CCDC170: variants seen among roughly 807,000 people sequenced by gnomAD.
CCDC170 encodes the protein coiled-coil domain containing 170.
Under a neutral mutation model 72.6 loss-of-function variants are expected in CCDC170, and 69 were observed. The ratio of observed to expected loss-of-function variants is 0.95; its 90% CI spans 0.78 to 1.16. The LOEUF (loss-of-function observed/expected upper bound fraction) is 1.16. Among genes scored for constraint, CCDC170 ranks in the 50% most tolerant of loss-of-function variants. CCDC170 has a pLI of 0.00. For synonymous variants in CCDC170, 300 were observed against 303.9 expected, an observed-to-expected ratio of 0.99 and a Z score of 0.13; for missense variants, 852 against 832.5, an observed-to-expected ratio of 1.02 and a Z score of -0.29.
chr6:151,522,808 A>G (rs1473222360), intron 1 of CCDC170, among the ~76,000 whole-genome samples: 2 of 152,222 alleles, frequency 1.3e-5, no homozygotes, highest in Non-Finnish European at 2.9e-5. Flanking sequence ...ATAAACAAGC[A>G]TCGTATCTTA....
chr6:151,561,622 T>A (rs903655948), intron 5 of CCDC170, among the ~76,000 whole-genome samples: 1 of 152,070 alleles, frequency 6.6e-6, no homozygotes, highest in Non-Finnish European at 1.5e-5. Flanking sequence ...ATTTGGCCCT[T>A]TTTTCTAGGG....
At chr6:151,527,141 C>T (rs1258855409) in intron 1 of CCDC170, among the ~76,000 whole-genome samples, 1 of 149,800 alleles carries the variant, frequency 6.7e-6, no homozygotes, top group Admixed American at 6.7e-5. Context: ...AAGTGATCCA[C>T]CTGCCTCAGC....
intron 5 of CCDC170, among the ~76,000 whole-genome samples, chr6:151,570,218 T>G (rs1006120021): frequency 6.6e-6 from 1 of 152,222 alleles, no homozygotes; most frequent in Non-Finnish European, 1.5e-5. Flanking sequence ...ATATATTTTG[T>G]GTATTTTGAG....
At chr6:151,524,778 T>C (rs1036113646) in intron 1 of CCDC170, among the ~76,000 whole-genome samples, 1 of 152,180 alleles carries the variant, frequency 6.6e-6, no homozygotes, top group Non-Finnish European at 1.5e-5. Context: ...CCTATACACA[T>C]TGTGCCTATA....
At chr6:151,588,720 C>T (rs890798140) in intron 7 of CCDC170, among the ~76,000 whole-genome samples, 6 of 152,182 alleles carry the variant, frequency 3.9e-5, no homozygotes, top group South Asian at 2.1e-4. Context: ...GCAGGTGGAT[C>T]GCTTGAGCTC....
At chr6:151,499,558 TACTGTATTTGACTATTCTAGGCAC>T in intron 1 of CCDC170, among the ~76,000 whole-genome samples, 1 of 77,424 alleles carries the variant, frequency 1.3e-5, no homozygotes, top group African/African-American at 8.8e-5. Flanking sequence ...AGTGGAATCA[TACTGTATTTGACTATTCTAGGCAC>T]GCTGTATAAG....
At chr6:151,587,490 A>G (rs1301025354) in intron 7 of CCDC170, among the ~76,000 whole-genome samples, 1 of 152,142 alleles carries the variant, frequency 6.6e-6, no homozygotes, top group Non-Finnish European at 1.5e-5. Flanking sequence ...GGGAAGGGAA[A>G]GGGAGGCACA....
intron 1 of CCDC170, among the ~76,000 whole-genome samples, chr6:151,512,153 TTTTTTTTTG>T (rs1782159682): frequency 7.2e-6 from 1 of 139,090 alleles, no homozygotes; most frequent in Admixed American, 7.0e-5. Context: ...CAGTATACCG[TTTTTTTTTG>T]TTTTTTTTTT....
chr6:151,547,900 C>A (rs910718065), intron 4 of CCDC170, among the ~76,000 whole-genome samples: 1 of 152,102 alleles, frequency 6.6e-6, no homozygotes, highest in East Asian at 1.9e-4. Flanking sequence ...AAAGCATGGC[C>A]GTGTGTTCTC....
At chr6:151,527,608 T>C (rs1782430343) in intron 1 of CCDC170, among the ~76,000 whole-genome samples, 1 of 151,718 alleles carries the variant, frequency 6.6e-6, no homozygotes, top group Non-Finnish European at 1.5e-5. Flanking sequence ...ACATGGACAG[T>C]AGGGGAGAGC....
intron 10 of CCDC170, 194 bp downstream of exon 10, chr6:151,615,873 C>T (rs771185986): frequency 2.7e-5 from 15 of 549,560 alleles, no homozygotes; most frequent in Admixed American, 2.3e-4. Flanking sequence ...GCTCCCGAAG[C>T]GAGAACTAGT....
chr6:151,564,500 G>T (rs1398988159), intron 5 of CCDC170, among the ~76,000 whole-genome samples: 1 of 152,186 alleles, frequency 6.6e-6, no homozygotes, highest in East Asian at 1.9e-4. Context: ...GCAGCAGGTG[G>T]GTCTTTCAGT....
chr6:151,552,699 G>T (rs564507475), intron 5 of CCDC170, among the ~76,000 whole-genome samples: 1 of 148,454 alleles, frequency 6.7e-6, no homozygotes, highest in South Asian at 2.1e-4. Flanking sequence ...AGTCTTCCTC[G>T]ATCTCTGGCT....
At chr6:151,521,355 A>G (rs1782311633) in intron 1 of CCDC170, among the ~76,000 whole-genome samples, 1 of 152,184 alleles carries the variant, frequency 6.6e-6, no homozygotes, top group Non-Finnish European at 1.5e-5. Context: ...ACAGTATAAG[A>G]TTTGTAATCT....
In CCDC170 at chr6:151,585,354, C is replaced by T. The variant is rs956855345; in HGVS notation, c.1093-535C>T. 9.9e-5 allele frequency among the ~76,000 whole-genome samples: 15 copies of T among 152,180 alleles called. 1 individual carries two copies. Among genetic ancestry groups the T allele is most frequent in the Admixed American group, 9.8e-4 (15 of 15,282 alleles). On this transcript the variant is annotated intron_variant, in intron 6 of 10. Coordinates refer to ENST00000239374, the MANE Select transcript of CCDC170 (RefSeq NM_025059.4). Reference sequence around the variant, plus strand: ...CTATAACTATGTAGTGTAGAGTCAGCATCCCTGGAGTTTAGGGCATAGGTA... The same window carrying T: ...CTATAACTATGTAGTGTAGAGTCAGTATCCCTGGAGTTTAGGGCATAGGTA...
chr6:151,576,281 G>C (rs1425015763), intron 6 of CCDC170, among the ~76,000 whole-genome samples: 1 of 152,214 alleles, frequency 6.6e-6, no homozygotes, highest in Non-Finnish European at 1.5e-5. Flanking sequence ...GGTAGGCGAA[G>C]CCATGATATT....
chr6:151,510,082 C>T (rs1307197882), intron 1 of CCDC170, among the ~76,000 whole-genome samples: 19 of 152,110 alleles, frequency 1.2e-4, no homozygotes, highest in Admixed American at 1.2e-3. Flanking sequence ...AAGATTGCAC[C>T]ACAGCCTAGG....
At chr6:151,516,820 C>T (rs1782242686) in intron 1 of CCDC170, among the ~76,000 whole-genome samples, 1 of 152,174 alleles carries the variant, frequency 6.6e-6, no homozygotes, top group Non-Finnish European at 1.5e-5. Context: ...CTGGTGGTCC[C>T]ACCCTAATCT....
intron 1 of CCDC170, among the ~76,000 whole-genome samples, chr6:151,525,945 A>G (rs1022892728): frequency 5.3e-5 from 8 of 152,206 alleles, no homozygotes; most frequent in African/African-American, 1.9e-4. Flanking sequence ...ATTATACAGG[A>G]AAGAAAAGTG....
Sources: allele counts gnomAD v4.1 joint callset (sites outside exome capture counted in the v4.1 genomes callset), GRCh38; gene constraint gnomAD v4.1.1; transcripts MANE v1.5; gene names NCBI Gene and HGNC (gene_info 2026-07-23, HGNC 2026-07-21).